The following ENSA variants were observed in gnomAD, a reference collection of about 807,000 sequenced individuals.
ENSA encodes the protein alpha-endosulfine.
A neutral mutation model predicts 16.8 loss-of-function variants in ENSA; 7 were observed. The observed-to-expected ratio is 0.42, with a 90% CI of 0.24 to 0.78. The LOEUF (loss-of-function observed/expected upper bound fraction) is 0.78, where lower values mean the gene tolerates loss of function less well. Among genes scored for constraint, ENSA ranks in the 30% least tolerant of loss-of-function variants. The probability of loss-of-function intolerance (pLI) is 0.29; values close to 1 mark genes in which losing one functional copy is unlikely to be tolerated. For synonymous variants in ENSA, 58 were observed against 53.4 expected (o/e 1.09, Z -0.37); for missense variants, 87 against 142.3 (o/e 0.61, Z 1.98).
At chr1:150,625,940 C>T in intron 2 of ENSA, 132 bp from the exon 3 acceptor site, 1 of 1,385,272 alleles carries the variant, frequency 7.2e-7, no homozygotes, top group South Asian at 1.6e-5. Flanking sequence ...CTTGATTAAC[C>T]TCATGCATAC....
At chr1:150,627,245 T>A in intron 2 of ENSA, 1 of 1,523,236 alleles carries the variant, frequency 6.6e-7, no homozygotes, top group Non-Finnish European at 8.8e-7. Flanking sequence ...ACCCAAATGC[T>A]CCAATTTAGG....
intron 3 of ENSA, chr1:150,623,281 T>C (rs1398341279): frequency 5.5e-5 from 55 of 1,001,344 alleles, no homozygotes; most frequent in Non-Finnish European, 6.3e-5. Flanking sequence ...ACACACATGC[T>C]GTTCTGAATG....
chr1:150,627,190 A>C (rs1649392349), intron 2 of ENSA: 3 of 1,491,280 alleles, frequency 2.0e-6, no homozygotes, highest in Non-Finnish European at 8.9e-7. Flanking sequence ...GCCTGGGGGC[A>C]GTCTGCATTT....
At chr1:150,626,964 A>T in intron 2 of ENSA, 5 of 820,954 alleles carry the variant, frequency 6.1e-6, no homozygotes, top group Non-Finnish European at 7.6e-6. Context: ...GGTAAGGAGG[A>T]CCACTCTGAA....
rs1649048919 is a variant in ENSA, at chr1:150,622,783, C to T, written c.*61G>A. On this transcript the variant is annotated 3_prime_UTR_variant, in exon 4 of 4. Coordinates refer to ENST00000369014, the MANE Select transcript of ENSA (RefSeq NM_004436.4). ...AAGCAGGAAGGGGCAGGAGCCAGCA[C>T]AGGACCCGGGTGGGGCAGGGAGGGG... 4.5e-6 allele frequency: 7 copies of T among 1,543,018 alleles called. No individual in the cohort carries two copies. The highest frequency in any genetic ancestry group is 4.4e-6 in the Non-Finnish European group (5 of 1,143,250).
intron 2 of ENSA, chr1:150,627,061 G>A: frequency 7.9e-7 from 1 of 1,266,018 alleles, no homozygotes; most frequent in East Asian, 3.7e-5. Context: ...TTCAAGTTGA[G>A]GATTTATTTC....
intron 1 of ENSA, chr1:150,629,155 G>A (rs1649564858): frequency 2.5e-6 from 4 of 1,613,564 alleles, no homozygotes; most frequent in Non-Finnish European, 3.4e-6. Flanking sequence ...GTCCATGCTC[G>A]GCCAATTATA....
intron 2 of ENSA, among the ~76,000 whole-genome samples, chr1:150,626,101 G>A (rs879567252): frequency 5.9e-5 from 9 of 152,146 alleles, no homozygotes; most frequent in South Asian, 2.1e-4. Context: ...GTAGAGGATC[G>A]TTCCACCAAA....
intron 1 of ENSA, 64 bp from the exon 2 acceptor site, chr1:150,627,656 TAAC>T: frequency 1.3e-6 from 2 of 1,524,088 alleles, no homozygotes; most frequent in South Asian, 1.2e-5. Flanking sequence ...TCACATCTGA[TAAC>T]AACTATACTA....
intron 1 of ENSA, 40 bp downstream of exon 1, chr1:150,629,374 G>A (rs774394701): frequency 1.2e-6 from 2 of 1,603,038 alleles, no homozygotes; most frequent in Non-Finnish European, 1.7e-6. Context: ...GCCCCATCAC[G>A]GTCTCCCCAG....
intron 1 of ENSA, among the ~76,000 whole-genome samples, chr1:150,628,830 T>C (rs1649533116): frequency 6.6e-6 from 1 of 152,174 alleles, no homozygotes; most frequent in Non-Finnish European, 1.5e-5. Flanking sequence ...ATGATTCTGT[T>C]TGGAACTCTA....
At position 150,622,168 on chromosome 1, in the gene ENSA, C is replaced by G. The variant is rs587714097; in HGVS notation, c.*676G>C. On this transcript the variant is annotated 3_prime_UTR_variant, in exon 4 of 4. Coordinates refer to ENST00000369014, the MANE Select transcript of ENSA (RefSeq NM_004436.4). ...TCATGGGTTTTTGTTTTGTTTATTT[C>G]GAATACTGAAAAAGTCCTTTGGGCT... The G allele has an allele frequency of 1.3e-5, 2 of 152,126 alleles. No homozygotes were observed. Among genetic ancestry groups the G allele is most frequent in the African/African-American group, 4.8e-5 (2 of 41,418 alleles). 9.4% of individuals were successfully genotyped at this position (152,126 alleles called of 1,614,324 possible).
intron 2 of ENSA, chr1:150,626,327 C>T: frequency 1.5e-6 from 1 of 682,664 alleles, no homozygotes; most frequent in South Asian, 1.8e-5. Context: ...TATTTTCCTT[C>T]TGACTCTCAC....
chr1:150,627,988 T>C (rs981632944), intron 1 of ENSA, among the ~76,000 whole-genome samples: 3 of 151,828 alleles, frequency 2.0e-5, no homozygotes, highest in Admixed American at 6.6e-5. Context: ...ACATGTCACA[T>C]GAGAAATTAA....
intron 3 of ENSA, chr1:150,625,307 A>T (rs1649222380): frequency 1.9e-6 from 2 of 1,026,572 alleles, no homozygotes; most frequent in African/African-American, 3.4e-5. Context: ...GGCTCAGCCT[A>T]ATCAATTTTG....
At chr1:150,624,729 C>G in intron 3 of ENSA, 1 of 985,440 alleles carries the variant, frequency 1.0e-6, no homozygotes, top group Non-Finnish European at 1.2e-6. Flanking sequence ...GGTTCACCAC[C>G]CACGAGCCTT....
intron 3 of ENSA, chr1:150,623,401 A>G (rs1469922543): frequency 1.0e-6 from 1 of 985,750 alleles, no homozygotes; most frequent in Non-Finnish European, 1.2e-6. Context: ...CAAATACAGA[A>G]TGTAGCTTGT....
intron 1 of ENSA, among the ~76,000 whole-genome samples, chr1:150,628,498 C>CT (rs36124577): frequency 0.025 from 3,555 of 142,854 alleles, 56 homozygotes; most frequent in African/African-American, 0.05. Context: ...TAGTCAATCT[C>CT]TTTTTTTTTT....
In ENSA at chr1:150,623,935, C is replaced by T. The variant is rs7517; in HGVS notation, c.351-1076G>A. The T allele has an allele frequency of 1.1e-5, 11 of 985,148 alleles. No homozygotes were observed. In the Admixed American group the frequency reaches 1.8e-4, roughly 17 times the overall value. The allele number at this position is 985,148 out of a possible 1,614,324, so 61.0% of individuals were successfully genotyped here. Reference sequence around the variant, plus strand: ...CAGTCAGGAGAAAGGCATATACACACCTCATCCCCCCACATGCACATCAGC... The same window carrying T: ...CAGTCAGGAGAAAGGCATATACACATCTCATCCCCCCACATGCACATCAGC... On this transcript the variant is annotated intron_variant, in intron 3 of 3. Transcript: ENST00000369014.
Sources: allele counts gnomAD v4.1 joint callset (sites outside exome capture counted in the v4.1 genomes callset), GRCh38; gene constraint gnomAD v4.1.1; transcripts MANE v1.5; gene names NCBI Gene and HGNC (gene_info 2026-07-23, HGNC 2026-07-21).